The following PCDHGA3 variants were observed in gnomAD, a reference collection of about 807,000 sequenced individuals.
PCDHGA3 encodes protocadherin gamma-A3.
PCDHGA3 carries 40 observed loss-of-function variants against 58.5 expected under a neutral mutation model. That is an observed-to-expected ratio of 0.68 (90% CI 0.53 to 0.89). The LOEUF (loss-of-function observed/expected upper bound fraction) is 0.89. PCDHGA3 is among the 40% of genes least tolerant of loss of function. PCDHGA3 has a pLI of 0.00. For synonymous variants in PCDHGA3, 530 were observed against 525.7 expected, an observed-to-expected ratio of 1.01 and a Z score of -0.11; for missense variants, 1,223 against 1,195.9, an observed-to-expected ratio of 1.02 and a Z score of -0.33.
chr5:141,362,662 T>G, intron 1 of PCDHGA3: 39 of 1,290,572 alleles, frequency 3.0e-5, no homozygotes, highest in Non-Finnish European at 3.8e-5. Context: ...ATTTGGCCAA[T>G]GTTGTGCCTT....
chr5:141,393,789 G>T (rs889575374), intron 1 of PCDHGA3: 1 of 1,613,958 alleles, frequency 6.2e-7, no homozygotes, highest in African/African-American at 1.3e-5. Context: ...AGATGTGGGG[G>T]CACTTCTGGG....
At position 141,431,828 on chromosome 5, in the gene PCDHGA3, C is replaced by G. The variant is rs750949066; in HGVS notation, c.2425-62979C>G. ...CCTCACCTCTCTCGCCAGCTCGGTTCCCGAAAACTCTCCCAGAGGGACATT... is the reference window on the plus strand; with the variant it reads ...CCTCACCTCTCTCGCCAGCTCGGTTGCCGAAAACTCTCCCAGAGGGACATT... On this transcript the variant is annotated intron_variant, in intron 1 of 3. Coordinates refer to ENST00000253812, the MANE Select transcript of PCDHGA3 (RefSeq NM_018916.4). This position sits in a 1 kb window ranked among gnomAD's most constrained non-coding sequence, Gnocchi z 4.8. The G allele has an allele frequency of 5.6e-6, 9 of 1,610,208 alleles. No homozygotes were observed. Among genetic ancestry groups the G allele is most frequent in the Non-Finnish European group, 1.7e-6 (2 of 1,176,374 alleles).
intron 1 of PCDHGA3, chr5:141,364,990 G>A (rs1363998069): frequency 1.9e-6 from 3 of 1,613,862 alleles, no homozygotes; most frequent in Admixed American, 1.7e-5. Flanking sequence ...GCGGAGACCC[G>A]GTACTCTCCG....
intron 1 of PCDHGA3, among the ~76,000 whole-genome samples, chr5:141,457,656 G>T (rs2098926936): frequency 6.6e-6 from 1 of 152,244 alleles, no homozygotes; most frequent in Non-Finnish European, 1.5e-5. Context: ...ATGAAGTGCA[G>T]CAAGAATGGT....
intron 1 of PCDHGA3, among the ~76,000 whole-genome samples, chr5:141,480,873 C>A (rs1026513782): frequency 6.6e-6 from 1 of 152,168 alleles, no homozygotes; most frequent in East Asian, 1.9e-4. Context: ...GGTGAAACCC[C>A]GTCTCTACTA....
chr5:141,473,193 A>G (rs938175797), intron 1 of PCDHGA3, among the ~76,000 whole-genome samples: 2 of 152,232 alleles, frequency 1.3e-5, no homozygotes, highest in African/African-American at 4.8e-5. Flanking sequence ...GAGTAAATGT[A>G]TCTTCTAAAA....
chr5:141,504,380 C>T (rs943816582), intron 2 of PCDHGA3, among the ~76,000 whole-genome samples: 1 of 152,088 alleles, frequency 6.6e-6, no homozygotes, highest in African/African-American at 2.4e-5. Flanking sequence ...GGTGGAGTCG[C>T]TGCCTCACAG....
At chr5:141,408,052 C>G in intron 1 of PCDHGA3, 1 of 1,283,102 alleles carries the variant, frequency 7.8e-7, no homozygotes, top group Non-Finnish European at 1.0e-6. Flanking sequence ...CACACAGAGC[C>G]TCCCGGCTGC....
intron 1 of PCDHGA3, among the ~76,000 whole-genome samples, chr5:141,434,518 T>C (rs2097700303): frequency 6.6e-6 from 1 of 152,188 alleles, no homozygotes; most frequent in Admixed American, 6.5e-5. Flanking sequence ...CTTAAAGGTG[T>C]TCTTAAACCA....
chr5:141,511,428 G>T lies in PCDHGA3; in HGVS notation c.*255G>T. 1 of 769,024 alleles carries T rather than the reference G, an allele frequency of 1.3e-6. No homozygotes were observed. The highest frequency in any genetic ancestry group is 2.0e-6 in the Non-Finnish European group (1 of 504,448). 47.6% of individuals were successfully genotyped at this position (769,024 alleles called of 1,614,324 possible). ...ACTGCTGTACCCATGGGGGTAGTGG[G>T]GTTACTGTAGACACCAAGAACCATT... On this transcript the variant is annotated 3_prime_UTR_variant, in exon 4 of 4. Transcript: ENST00000253812.
chr5:141,473,374 G>A (rs1437989884), intron 1 of PCDHGA3, among the ~76,000 whole-genome samples: 1 of 152,204 alleles, frequency 6.6e-6, no homozygotes, highest in African/African-American at 2.4e-5. Context: ...AAATAGCATG[G>A]TCCCTGCCCT....
chr5:141,345,009 G>T lies in PCDHGA3; in HGVS notation c.976G>T (p.Gly326Cys). The T allele has an allele frequency of 1.2e-6, 2 of 1,613,978 alleles. No homozygotes were observed. The highest frequency in any genetic ancestry group is 1.7e-6 in the Non-Finnish European group (2 of 1,179,880). ...EIKIEAQDGP[G>C]LLSRAKILVT... ...TAAAATTGAAGCACAGGATGGACCA[G>T]GTCTTCTTTCAAGAGCCAAGATTCT... The change falls in exon 1 of 4, where the codon GGT becomes TGT. Residue 326 changes from glycine (G) to cysteine (C), a missense_variant. Physicochemically the swap from Gly to Cys is radical, Grantham distance 159 (BLOSUM62 -3). This residue lies in a region of PCDHGA3 where 791 missense variants were observed against 708.5 expected (regional missense o/e 1.12). Transcript: ENST00000253812.
chr5:141,368,410 C>T (rs1471418854), intron 1 of PCDHGA3, among the ~76,000 whole-genome samples: 1 of 152,086 alleles, frequency 6.6e-6, no homozygotes, highest in African/African-American at 2.4e-5. Context: ...CATACATACA[C>T]ACATGGACAT....
intron 1 of PCDHGA3, chr5:141,393,422 G>A: frequency 6.2e-7 from 1 of 1,614,042 alleles, no homozygotes; most frequent in Non-Finnish European, 8.5e-7. Context: ...TGGACAGGGA[G>A]GAAGAGGCTG....
In PCDHGA3 at chr5:141,476,628, C is replaced by T. The variant is rs899753438; in HGVS notation, c.2425-18179C>T. 6.2e-6 allele frequency: 10 copies of T among 1,614,160 alleles called. No individual in the cohort carries two copies. The highest frequency in any genetic ancestry group is 7.6e-6 in the Non-Finnish European group (9 of 1,180,068). On this transcript the variant is annotated intron_variant, in intron 1 of 3. Coordinates refer to ENST00000253812, the MANE Select transcript of PCDHGA3 (RefSeq NM_018916.4). The surrounding 1 kb of genome is among the most constrained non-coding windows in gnomAD (Gnocchi z 7.6). ...GATGTGGGAAGCAACTCTTTACAAACCTATGAGCTGAGCCGAAATGAATAC... is the reference window on the plus strand; with the variant it reads ...GATGTGGGAAGCAACTCTTTACAAATCTATGAGCTGAGCCGAAATGAATAC...
chr5:141,415,419 C>A, intron 1 of PCDHGA3: 1 of 1,614,196 alleles, frequency 6.2e-7, no homozygotes, highest in East Asian at 2.2e-5. Context: ...TGGGCGTGGA[C>A]GGGGTTCGGG....
In PCDHGA3 at chr5:141,346,532, T is replaced by C. The variant is rs543628254; in HGVS notation, c.2424+75T>C. 1.4e-5 allele frequency: 22 copies of C among 1,569,878 alleles called. No homozygotes were observed. The East Asian group carries it at 4.8e-4, about 34-fold the overall frequency. Reference sequence around the variant, plus strand: ...TTATTATAAAGCTTTAACACATATGTATTTGAGAAATAAAGCCATGAGGTT... The same window carrying C: ...TTATTATAAAGCTTTAACACATATGCATTTGAGAAATAAAGCCATGAGGTT... On this transcript the variant is annotated intron_variant, in intron 1 of 3. Coordinates refer to ENST00000253812, the MANE Select transcript of PCDHGA3 (RefSeq NM_018916.4).
At chr5:141,399,494 G>T in intron 1 of PCDHGA3, 1 of 1,614,032 alleles carries the variant, frequency 6.2e-7, no homozygotes, top group Non-Finnish European at 8.5e-7. Flanking sequence ...TACTTAGTCA[G>T]TGTACCCGAA....
rs781500930 is a variant in PCDHGA3, at chr5:141,376,588, TC to T, written c.2424+30132del. 8 of 1,575,434 alleles carry T rather than the reference TC, an allele frequency of 5.1e-6. No homozygotes were observed. The South Asian group carries it at 8.1e-5, about 16-fold the overall frequency. ...TAATCAGACAGGCTCATCAGCTAGA[TC>T]GGCTGTTATAGAAGCGAACCTCTTT... On this transcript the variant is annotated intron_variant, in intron 1 of 3. Transcript: ENST00000253812.
Sources: allele counts gnomAD v4.1 joint callset (sites outside exome capture counted in the v4.1 genomes callset), GRCh38; gene constraint gnomAD v4.1.1; regional missense constraint gnomAD v4.1.1; non-coding constraint Gnocchi (gnomAD v3.1); transcripts MANE v1.5; gene names NCBI Gene and HGNC (gene_info 2026-07-23, HGNC 2026-07-21).